Variants in ERAL1 observed in about 807,000 individuals in gnomAD.
ERAL1 encodes GTPase Era, mitochondrial.
A neutral mutation model predicts 53.6 loss-of-function variants in ERAL1; 36 were observed. That is an observed-to-expected ratio of 0.67 (90% CI 0.51 to 0.89). The LOEUF (loss-of-function observed/expected upper bound fraction) is 0.89. Among genes scored for constraint, ERAL1 ranks in the 40% least tolerant of loss-of-function variants. ERAL1 has a pLI of 0.00. For missense variants in ERAL1, 512 were observed against 537.5 expected, an observed-to-expected ratio of 0.95 and a Z score of 0.47; for synonymous variants, 215 against 211.8, an observed-to-expected ratio of 1.02 and a Z score of -0.13.
intron 1 of ERAL1, 144 bp downstream of exon 1, chr17:28,855,461 A>G: frequency 1.0e-6 from 1 of 974,300 alleles, no homozygotes; most frequent in Non-Finnish European, 1.4e-6. Flanking sequence ...CTCAGGAGAG[A>G]AATAACAGTT....
chr17:28,855,414 T>C, intron 1 of ERAL1, 97 bp downstream of exon 1: 1 of 1,372,534 alleles, frequency 7.3e-7, no homozygotes, highest in South Asian at 1.6e-5. Flanking sequence ...TAGAAAACAA[T>C]TTTGAGGCCC....
In ERAL1 at chr17:28,860,476, C is replaced by G. The variant is rs1269175439; in HGVS notation, c.1237C>G (p.Gln413Glu). Reference protein sequence around the residue: ...PKGHVISQIAQEAGHDLMDIF... With the variant: ...PKGHVISQIAEEAGHDLMDIF... ...GGGCCACGTGATCTCCCAGATAGCA[C>G]AGGAGGCAGGCCATGACCTCATGGA... Residue 413 changes from glutamine (Q) to glutamate (E), a missense_variant, in exon 10 of 10, where the codon CAG becomes GAG. Coordinates refer to ENST00000254928, the MANE Select transcript of ERAL1 (RefSeq NM_005702.4). 3 of 1,610,818 alleles carry G rather than the reference C, an allele frequency of 1.9e-6. No individual in the cohort carries two copies. The highest frequency in any genetic ancestry group is 2.5e-6 in the Non-Finnish European group (3 of 1,178,782).
intron 1 of ERAL1, among the ~76,000 whole-genome samples, 185 bp downstream of exon 1, chr17:28,855,502 A>G (rs1189351530): frequency 6.6e-6 from 1 of 152,206 alleles, no homozygotes; most frequent in African/African-American, 2.4e-5. Flanking sequence ...TCTGGTCACA[A>G]CCAGAGACGC....
At chr17:28,855,392 G>A in intron 1 of ERAL1, 75 bp downstream of exon 1, 1 of 1,470,872 alleles carries the variant, frequency 6.8e-7, no homozygotes, top group East Asian at 2.4e-5. Flanking sequence ...TACTGTCTTT[G>A]ATTCTATTTT....
intron 3 of ERAL1, 132 bp downstream of exon 3, chr17:28,856,714 C>CTT (rs372784089): frequency 1.7e-3 from 1,027 of 599,064 alleles, no homozygotes; most frequent in Middle Eastern, 2.4e-3. Context: ...TTTTCTTTTT[C>CTT]TTTTTTTTTT....
chr17:28,858,783 A>C lies in ERAL1; in HGVS notation c.919A>C (p.Met307Leu), dbSNP rs751045543. 1.2e-6 allele frequency: 2 copies of C among 1,614,178 alleles called. No individual in the cohort carries two copies. Among genetic ancestry groups the C allele is most frequent in the Non-Finnish European group, 1.7e-6 (2 of 1,180,010 alleles). Residue 307 changes from methionine (M) to leucine (L), a missense_variant, in exon 7 of 10, where the codon ATG (methionine) becomes CTG (leucine). Transcript: ENST00000254928. ...CTGGCCCCACTTCAAGGAGATCTTCATGTTGTCAGCCCTAAGCCAGGAGGA... is the reference window on the plus strand; with the variant it reads ...CTGGCCCCACTTCAAGGAGATCTTCCTGTTGTCAGCCCTAAGCCAGGAGGA... ...IGWPHFKEIF[M>L]LSALSQEDVK...
Position 28,857,268 on chromosome 17 carries a change from C to T in ERAL1, c.490-671C>T, listed in dbSNP as rs967569976. ...GACTACAGGCATGCGCCACCACGCC[C>T]GGCTACTTTTGTATTTTTAGTAGAG... On this transcript the variant is annotated intron_variant, in intron 3 of 9. Transcript: ENST00000254928. Among the ~76,000 whole-genome samples, 7 of 151,404 alleles carry T rather than the reference C, an allele frequency of 4.6e-5. No individual in the cohort carries two copies. In the East Asian group the frequency reaches 6.0e-4, roughly 13 times the overall value.
At chr17:28,858,023 T>C (rs762739233) in intron 4 of ERAL1, 38 bp downstream of exon 4, 1 of 1,612,380 alleles carries the variant, frequency 6.2e-7, no homozygotes, top group East Asian at 2.2e-5. Flanking sequence ...GGCGGGGAGG[T>C]ACTGAAAGAG....
Position 28,859,053 on chromosome 17 carries a change from C to T in ERAL1, c.1050C>T (p.Asn350=), listed in dbSNP as rs981087119. The T allele has an allele frequency of 2.5e-6, 4 of 1,614,092 alleles. No homozygotes were observed. In the Admixed American group the frequency reaches 6.7e-5, roughly 27 times the overall value. ...TSQTPEEICA[N]IIREKLLEHL... Reference sequence around the variant, plus strand: ...AGACACCAGAAGAGATCTGTGCCAACATTATCCGAGAGAAGCTCCTAGAAC... The same window carrying T: ...AGACACCAGAAGAGATCTGTGCCAATATTATCCGAGAGAAGCTCCTAGAAC... Residue 350 remains asparagine, a synonymous_variant, in exon 8 of 10, where the codon AAC becomes AAT. Coordinates refer to ENST00000254928, the MANE Select transcript of ERAL1 (RefSeq NM_005702.4).
At chr17:28,859,372 T>A in intron 9 of ERAL1, 89 bp downstream of exon 9, 1 of 1,214,588 alleles carries the variant, frequency 8.2e-7, no homozygotes, top group Non-Finnish European at 1.2e-6. Context: ...CAGGACCATA[T>A]CCTTCTCTCT....
In ERAL1 at chr17:28,859,169, G is replaced by A. The variant is rs371674901; in HGVS notation, c.1111-34G>A. The A allele has an allele frequency of 1.2e-5, 19 of 1,614,040 alleles. No individual in the cohort carries two copies. In the African/African-American group the frequency reaches 1.7e-4, roughly 15 times the overall value. On this transcript the variant is annotated intron_variant, in intron 8 of 9. Coordinates refer to ENST00000254928, the MANE Select transcript of ERAL1 (RefSeq NM_005702.4). ...ATCAGACACACACCTCTACCCAGGTGTATGACTGACTAATCATTTGTCTCC... is the reference window on the plus strand; with the variant it reads ...ATCAGACACACACCTCTACCCAGGTATATGACTGACTAATCATTTGTCTCC...
At position 28,859,106 on chromosome 17, in the gene ERAL1, T is replaced by C. The variant is rs757758114; in HGVS notation, c.1103T>C (p.Val368Ala). 6.2e-7 allele frequency: 1 copy of C among 1,614,136 alleles called. No individual in the cohort carries two copies. The highest frequency in any genetic ancestry group is 1.1e-5 in the South Asian group (1 of 91,070). ...CTGCCCCAGGAGGTGCCTTACAATG[T>C]ACAGCAGGTACAGAGTGAAGGGTTC... ...EHLPQEVPYN[V>A]QQKTAVWEEG... Residue 368 changes from valine to alanine, a missense_variant, in exon 8 of 10, where the codon GTA becomes GCA. Transcript: ENST00000254928.
At position 28,856,351 on chromosome 17, in the gene ERAL1, C is replaced by G. The variant is rs776916662; in HGVS notation, c.371C>G (p.Ala124Gly). 1 of 1,614,150 alleles carries G rather than the reference C, an allele frequency of 6.2e-7. No homozygotes were observed. The change falls in exon 2 of 10, where the codon GCA (alanine) becomes GGA (glycine). Residue 124 changes from alanine (A) to glycine (G), a missense_variant. Ala to Gly is a moderately conservative substitution (Grantham distance 60). Transcript: ENST00000254928. The stretch of plus-strand genomic sequence containing the variant: ...GTGGTCCTCCTGGGAGCCCCGAATG[C>G]AGGGAAGTCAACACTCTCCAACCAG... ...LRVVLLGAPN[A>G]GKSTLSNQLL...
At chr17:28,856,965 C>G (rs2039253431) in intron 3 of ERAL1, among the ~76,000 whole-genome samples, 1 of 152,084 alleles carries the variant, frequency 6.6e-6, no homozygotes, top group South Asian at 2.1e-4. Context: ...CCTGCCTCAG[C>G]ATCCCAAAGT....
In ERAL1 at chr17:28,860,698, C is replaced by A; in HGVS notation, c.*145C>A. The A allele has an allele frequency of 1.0e-6, 1 of 979,664 alleles. No individual in the cohort carries two copies. The allele number at this position is 979,664 out of a possible 1,614,324, so 60.7% of individuals were successfully genotyped here. On this transcript the variant is annotated 3_prime_UTR_variant, in exon 10 of 10. Transcript: ENST00000254928. Reference sequence around the variant, plus strand: ...ACTAGCTGGCCTGGCCCTGTTGAGTCTGCACAGTCCCTGCCCAGCTGTGTC... The same window carrying A: ...ACTAGCTGGCCTGGCCCTGTTGAGTATGCACAGTCCCTGCCCAGCTGTGTC...
chr17:28,857,997 G>A lies in ERAL1; in HGVS notation c.536+12G>A. 2 of 1,614,130 alleles carry A rather than the reference G, an allele frequency of 1.2e-6. No individual in the cohort carries two copies. Among genetic ancestry groups the A allele is most frequent in the Middle Eastern group, 1.6e-4 (1 of 6,062 alleles). On this transcript the variant is annotated intron_variant, in intron 4 of 9. Transcript: ENST00000254928. The stretch of plus-strand genomic sequence containing the variant: ...GGTAAACAGAAGAGGTAATGGTGGT[G>A]GAATTGGGGTGGATTGGCGGGGAGG...
Position 28,855,073 on chromosome 17 carries a change from A to G in ERAL1, c.39A>G (p.Gln13=), listed in dbSNP as rs1255563665. 1.2e-6 allele frequency: 2 copies of G among 1,612,344 alleles called. No individual in the cohort carries two copies. The highest frequency in any genetic ancestry group is 2.2e-5 in the South Asian group (2 of 90,966). ...GCTGGCGCGGGGCTAGGCTTGTTCA[A>G]TCGGTGTTAAGAGTCTGGCAGGTGG... ...APSWRGARLV[Q]SVLRVWQVGP... is the part of the protein sequence containing the mutation. The change falls in exon 1 of 10, where the codon CAA becomes CAG. Residue 13 remains glutamine (Q), a synonymous_variant. Coordinates refer to ENST00000254928, the MANE Select transcript of ERAL1 (RefSeq NM_005702.4).
At chr17:28,858,058 C>T in intron 4 of ERAL1, 73 bp downstream of exon 4, 2 of 1,609,694 alleles carry the variant, frequency 1.2e-6, no homozygotes, top group East Asian at 2.2e-5. Flanking sequence ...ATTATAGGGG[C>T]TGGAAAACCC....
At chr17:28,857,077 A>G (rs2039254445) in intron 3 of ERAL1, among the ~76,000 whole-genome samples, 2 of 147,168 alleles carry the variant, frequency 1.4e-5, no homozygotes, top group Admixed American at 6.8e-5. Context: ...CTCCCCTGAC[A>G]TCTAGTCAGA....
Sources: allele counts gnomAD v4.1 joint callset (sites outside exome capture counted in the v4.1 genomes callset), GRCh38; gene constraint gnomAD v4.1.1; transcripts MANE v1.5; gene names NCBI Gene and HGNC (gene_info 2026-07-23, HGNC 2026-07-21).